The following CSMD1 variants were observed in gnomAD, a reference collection of about 807,000 sequenced individuals.
CSMD1 encodes CUB and Sushi multiple domains 1, also known as CUB and sushi domain-containing protein 1.
CSMD1 carries 213 observed loss-of-function variants against 417.5 expected under a neutral mutation model. The observed-to-expected ratio is 0.51, with a 90% CI of 0.46 to 0.57. The LOEUF (loss-of-function observed/expected upper bound fraction) is 0.57. CSMD1 is among the 20% of genes least tolerant of loss of function. The probability of loss-of-function intolerance (pLI) is 0.00; values close to 1 mark genes in which losing one functional copy is unlikely to be tolerated. For missense variants in CSMD1, 6,923 were observed against 4,529.7 expected (o/e 1.53, Z -15.17); for synonymous variants, 2,862 against 1,736.8 (o/e 1.65, Z -16.11).
At chr8:4,929,263 T>A (rs904274370) in intron 1 of CSMD1, among the ~76,000 whole-genome samples, 23 of 152,070 alleles carry the variant, frequency 1.5e-4, no homozygotes, top group African/African-American at 5.1e-4. Context: ...AAACCAAACC[T>A]GCAGACACCG....
At chr8:4,039,751 G>T (rs368976332) in intron 3 of CSMD1, among the ~76,000 whole-genome samples, 1 of 152,234 alleles carries the variant, frequency 6.6e-6, no homozygotes, top group African/African-American at 2.4e-5. Flanking sequence ...ATAAATTGAT[G>T]TGGGGGAAGT....
Position 3,930,784 on chromosome 8 carries a change from T to A in CSMD1, c.818+67119A>T, listed in dbSNP as rs576257214. On this transcript the variant is annotated intron_variant, in intron 5 of 69. Transcript: ENST00000635120. ...TACGGCACCAGGGAACAAGCATTTCTAACATGTACAAGGGTCAAGATTTCT... is the reference window on the plus strand; with the variant it reads ...TACGGCACCAGGGAACAAGCATTTCAAACATGTACAAGGGTCAAGATTTCT... 1.0e-3 allele frequency among the ~76,000 whole-genome samples: 156 copies of A among 150,726 alleles called. 8 individuals carry two copies. Among genetic ancestry groups the A allele is most frequent in the African/African-American group, 3.5e-3 (143 of 40,942 alleles).
intron 11 of CSMD1, among the ~76,000 whole-genome samples, chr8:3,470,115 C>T (rs1563069589): frequency 6.6e-6 from 1 of 152,188 alleles, no homozygotes; most frequent in African/African-American, 2.4e-5. Flanking sequence ...CTTCTTGTAC[C>T]TTCTCCCAGT....
intron 1 of CSMD1, among the ~76,000 whole-genome samples, chr8:4,880,731 T>C (rs566256608): frequency 6.6e-6 from 1 of 152,198 alleles, no homozygotes; most frequent in East Asian, 1.9e-4. Flanking sequence ...CACGTGTCCA[T>C]GATAAGATGA....
At chr8:3,072,576 C>T (rs1813394183) in intron 49 of CSMD1, among the ~76,000 whole-genome samples, 1 of 152,136 alleles carries the variant, frequency 6.6e-6, no homozygotes, top group African/African-American at 2.4e-5. Context: ...GCATGTGTGC[C>T]TGGGTTTCCA....
chr8:2,993,485 C>A (rs1172039331), intron 54 of CSMD1, among the ~76,000 whole-genome samples: 1 of 152,102 alleles, frequency 6.6e-6, no homozygotes, highest in Non-Finnish European at 1.5e-5. Context: ...AAGCACAGCC[C>A]AACTCTCAGC....
intron 1 of CSMD1, among the ~76,000 whole-genome samples, chr8:4,821,653 T>G (rs552068225): frequency 6.6e-6 from 1 of 152,270 alleles, no homozygotes; most frequent in East Asian, 1.9e-4. Context: ...AATGGGAATT[T>G]TGAAAGGAAA....
intron 2 of CSMD1, among the ~76,000 whole-genome samples, chr8:4,468,220 T>C (rs954004266): frequency 2.3e-4 from 35 of 152,172 alleles, no homozygotes; most frequent in African/African-American, 8.4e-4. Flanking sequence ...GCCTGGGGCA[T>C]GCCTGGGGAA....
intron 6 of CSMD1, among the ~76,000 whole-genome samples, chr8:3,731,835 G>C (rs1325425603): frequency 3.9e-5 from 6 of 152,136 alleles, no homozygotes; most frequent in Non-Finnish European, 8.8e-5. Context: ...CCACCCATGA[G>C]TGAGTTTCCA....
At chr8:3,745,207 G>C (rs2129051514) in intron 6 of CSMD1, among the ~76,000 whole-genome samples, 1 of 151,992 alleles carries the variant, frequency 6.6e-6, no homozygotes, top group Non-Finnish European at 1.5e-5. Flanking sequence ...ATATTTTTTG[G>C]GGTAGTAAAT....
chr8:4,049,213 G>A (rs915217372), intron 3 of CSMD1, among the ~76,000 whole-genome samples: 1 of 151,788 alleles, frequency 6.6e-6, no homozygotes, highest in Non-Finnish European at 1.5e-5. Flanking sequence ...TATCTATTCT[G>A]ATACCATATG....
At chr8:4,365,805 A>G (rs905602736) in intron 3 of CSMD1, among the ~76,000 whole-genome samples, 1 of 152,188 alleles carries the variant, frequency 6.6e-6, no homozygotes, top group Admixed American at 6.5e-5. Context: ...ATTACCCTCC[A>G]GAGGTTTTGA....
chr8:4,801,610 G>A (rs749259220), intron 1 of CSMD1, among the ~76,000 whole-genome samples: 5 of 152,078 alleles, frequency 3.3e-5, no homozygotes, highest in East Asian at 1.9e-4. Flanking sequence ...CCTCTATGCC[G>A]CTTTGACACA....
chr8:4,451,685 A>G (rs1799154198), intron 2 of CSMD1, among the ~76,000 whole-genome samples: 2 of 152,148 alleles, frequency 1.3e-5, no homozygotes, highest in Admixed American at 1.3e-4. Context: ...GATGACCATG[A>G]AATATCAGTT....
At chr8:3,673,705 G>T (rs1037140071) in intron 7 of CSMD1, among the ~76,000 whole-genome samples, 1 of 152,178 alleles carries the variant, frequency 6.6e-6, no homozygotes, top group African/African-American at 2.4e-5. Flanking sequence ...CTGGCTTGCT[G>T]CATGATATGA....
intron 3 of CSMD1, among the ~76,000 whole-genome samples, chr8:4,226,083 C>T (rs946031447): frequency 6.7e-6 from 1 of 149,410 alleles, no homozygotes; most frequent in African/African-American, 2.6e-5. Flanking sequence ...CACACACACA[C>T]ACACACACAC....
chr8:4,351,202 A>T (rs930626930), intron 3 of CSMD1, among the ~76,000 whole-genome samples: 1 of 152,174 alleles, frequency 6.6e-6, no homozygotes, highest in Non-Finnish European at 1.5e-5. Flanking sequence ...AGGAGTTAAT[A>T]AAATGTACCA....
At chr8:3,630,178 G>A (rs1202427633) in intron 7 of CSMD1, among the ~76,000 whole-genome samples, 1 of 152,230 alleles carries the variant, frequency 6.6e-6, no homozygotes, top group African/African-American at 2.4e-5. Context: ...CCTGGTACAG[G>A]CAGGCTCTCC....
chr8:4,440,811 C>A (rs1191013734), intron 2 of CSMD1, among the ~76,000 whole-genome samples: 2 of 152,004 alleles, frequency 1.3e-5, no homozygotes, highest in Admixed American at 1.3e-4. Flanking sequence ...GCCTGGCTAA[C>A]ATGCTCAAAC....
Sources: allele counts gnomAD v4.1 joint callset (sites outside exome capture counted in the v4.1 genomes callset), GRCh38; gene constraint gnomAD v4.1.1; transcripts MANE v1.5; gene names NCBI Gene and HGNC (gene_info 2026-07-23, HGNC 2026-07-21).